FNIP2: variants seen among roughly 807,000 people sequenced by gnomAD.
FNIP2 encodes the protein folliculin interacting protein 2, also known as folliculin-interacting protein 2.
In FNIP2, 32 loss-of-function variants were observed where a neutral mutation model predicts 108.7. The observed-to-expected ratio is 0.29, with a 90% confidence interval of 0.22 to 0.40. The LOEUF (loss-of-function observed/expected upper bound fraction) is 0.40. Among genes scored for constraint, FNIP2 ranks in the 10% least tolerant of loss-of-function variants. FNIP2 has a pLI of 1.00. For missense variants in FNIP2, 1,202 were observed against 1,381.6 expected (o/e 0.87, Z 2.06); for synonymous variants, 480 against 496.7 (o/e 0.97, Z 0.45).
intron 14 of FNIP2, among the ~76,000 whole-genome samples, chr4:158,879,387 G>A (rs142879090): frequency 6.6e-6 from 1 of 150,766 alleles, no homozygotes; most frequent in Non-Finnish European, 1.5e-5. Flanking sequence ...TGCGCACAAG[G>A]CGGCTGTGGT....
At chr4:158,775,036 C>T (rs1578810128) in intron 1 of FNIP2, among the ~76,000 whole-genome samples, 1 of 152,094 alleles carries the variant, frequency 6.6e-6, no homozygotes, top group Admixed American at 6.5e-5. Flanking sequence ...TTGTGTTTCT[C>T]GTGGTTTGCC....
chr4:158,890,682 T>C (rs1337054222), intron 14 of FNIP2, among the ~76,000 whole-genome samples: 1 of 152,206 alleles, frequency 6.6e-6, no homozygotes, highest in Non-Finnish European at 1.5e-5. Flanking sequence ...TAGGAATGTA[T>C]AGAATTGATG....
At chr4:158,821,581 AG>A (rs1036526786) in intron 1 of FNIP2, among the ~76,000 whole-genome samples, 3 of 152,240 alleles carry the variant, frequency 2.0e-5, no homozygotes, top group African/African-American at 7.2e-5. Flanking sequence ...CCTGTGTATA[AG>A]GGATGGCAGG....
intron 1 of FNIP2, among the ~76,000 whole-genome samples, chr4:158,793,929 C>T (rs566551271): frequency 5.9e-5 from 9 of 152,268 alleles, no homozygotes; most frequent in African/African-American, 2.2e-4. Flanking sequence ...TCTAGAACTA[C>T]GCTGCCCAGT....
chr4:158,870,127 T>C (rs1349254091), intron 13 of FNIP2, among the ~76,000 whole-genome samples, 186 bp from the exon 14 acceptor site: 1 of 152,188 alleles, frequency 6.6e-6, no homozygotes, highest in Non-Finnish European at 1.5e-5. Context: ...TTTTTTTTCT[T>C]CCAGCCTTCC....
At chr4:158,773,405 GC>G (rs200510549) in intron 1 of FNIP2, among the ~76,000 whole-genome samples, 2,123 of 152,266 alleles carry the variant, frequency 0.014, 24 homozygotes, top group Middle Eastern at 0.024. Flanking sequence ...CATTGATTTA[GC>G]CCTGCCTCAT....
intron 1 of FNIP2, among the ~76,000 whole-genome samples, chr4:158,791,266 C>CTTTTTT (rs199714823): frequency 1.0e-4 from 10 of 98,082 alleles, no homozygotes; most frequent in African/African-American, 1.2e-4. Flanking sequence ...ACTGAGGATC[C>CTTTTTT]TTTTTTTTTT....
intron 1 of FNIP2, among the ~76,000 whole-genome samples, chr4:158,801,959 C>T (rs537167042): frequency 6.6e-6 from 1 of 152,220 alleles, no homozygotes; most frequent in East Asian, 1.9e-4. Context: ...AGCCCATTCC[C>T]CTAAAGTAGA....
chr4:158,821,057 T>A (rs1777858696), intron 1 of FNIP2, among the ~76,000 whole-genome samples: 1 of 152,240 alleles, frequency 6.6e-6, no homozygotes, highest in African/African-American at 2.4e-5. Context: ...GGGAAGTAAC[T>A]GAGACTTTGG....
intron 14 of FNIP2, chr4:158,871,319 A>G: frequency 1.6e-5 from 15 of 924,180 alleles, no homozygotes; most frequent in Non-Finnish European, 1.9e-5. Flanking sequence ...TATTAGAAAC[A>G]TTTTGTATCT....
chr4:158,885,055 C>T (rs1781950571), intron 14 of FNIP2, among the ~76,000 whole-genome samples: 1 of 151,774 alleles, frequency 6.6e-6, no homozygotes, highest in South Asian at 2.1e-4. Flanking sequence ...ACTCGGGAGG[C>T]TGAGGCACGA....
chr4:158,801,671 C>A (rs545234130), intron 1 of FNIP2, among the ~76,000 whole-genome samples: 1 of 152,308 alleles, frequency 6.6e-6, no homozygotes, highest in East Asian at 1.9e-4. Context: ...TAGAACGATG[C>A]TTGGCACATA....
chr4:158,801,950 G>A (rs1776777797), intron 1 of FNIP2, among the ~76,000 whole-genome samples: 2 of 152,152 alleles, frequency 1.3e-5, no homozygotes, highest in African/African-American at 4.8e-5. Context: ...TGTCTCCAAA[G>A]CCCATTCCCC....
chr4:158,880,334 A>T (rs1162140563), intron 14 of FNIP2, among the ~76,000 whole-genome samples: 1 of 152,304 alleles, frequency 6.6e-6, no homozygotes, highest in East Asian at 1.9e-4. Context: ...TCAGCAAACT[A>T]TCGCAAGGAC....
chr4:158,832,000 G>A, intron 4 of FNIP2, 39 bp downstream of exon 4: 2 of 1,598,824 alleles, frequency 1.3e-6, no homozygotes, highest in Non-Finnish European at 1.7e-6. Context: ...TTTGAGAAGT[G>A]GAACGGTGGT....
intron 1 of FNIP2, chr4:158,796,119 G>T (rs531881149): frequency 1.3e-5 from 2 of 152,250 alleles, no homozygotes; most frequent in South Asian, 4.2e-4. Context: ...TGTTTATAGA[G>T]TCCGTTCTAT....
intron 1 of FNIP2, among the ~76,000 whole-genome samples, chr4:158,780,306 C>T (rs897102520): frequency 1.3e-5 from 2 of 152,032 alleles, no homozygotes; most frequent in African/African-American, 4.8e-5. Flanking sequence ...TTAGTGAAGA[C>T]ATAATTGTAG....
chr4:158,886,198 G>C (rs545404095), intron 14 of FNIP2, among the ~76,000 whole-genome samples: 32 of 152,330 alleles, frequency 2.1e-4, no homozygotes, highest in African/African-American at 7.0e-4. Context: ...CAGGAAAGTA[G>C]TTTGGGTAAA....
At chr4:158,789,529 C>G (rs1048372269) in intron 1 of FNIP2, among the ~76,000 whole-genome samples, 12 of 152,192 alleles carry the variant, frequency 7.9e-5, no homozygotes, top group African/African-American at 2.4e-4. Context: ...AGTAAACTTA[C>G]AAATGAATTT....
Sources: allele counts gnomAD v4.1 joint callset (sites outside exome capture counted in the v4.1 genomes callset), GRCh38; gene constraint gnomAD v4.1.1; transcripts MANE v1.5; gene names NCBI Gene and HGNC (gene_info 2026-07-23, HGNC 2026-07-21).